Variants in STK17A observed in about 807,000 individuals in gnomAD.
STK17A encodes the protein serine/threonine kinase 17a.
A neutral mutation model predicts 43.7 loss-of-function variants in STK17A; 26 were observed. The ratio of observed to expected loss-of-function variants is 0.60; its 90% CI spans 0.44 to 0.83. The LOEUF is 0.83. Ranked by LOEUF, STK17A falls within the 40% of genes least tolerant of loss-of-function variation. STK17A has a pLI of 0.00. For missense variants in STK17A, 476 were observed against 511.6 expected (o/e 0.93, Z 0.67); for synonymous variants, 191 against 182.5 (o/e 1.05, Z -0.38).
intron 6 of STK17A, 110 bp downstream of exon 6, chr7:43,623,998 A>G (rs986472703): frequency 1.4e-6 from 1 of 712,770 alleles, no homozygotes; most frequent in East Asian, 3.2e-5. Flanking sequence ...AAATAGTTCA[A>G]CTTCTAAAAC....
At chr7:43,607,341 G>A (rs2082608774) in intron 2 of STK17A, among the ~76,000 whole-genome samples, 1 of 151,722 alleles carries the variant, frequency 6.6e-6, no homozygotes, top group Non-Finnish European at 1.5e-5. Flanking sequence ...ACACCAAGAA[G>A]AAACCATTTG....
chr7:43,583,554 C>T (rs886327795), intron 1 of STK17A, 105 bp downstream of exon 1: 4 of 1,004,642 alleles, frequency 4.0e-6, no homozygotes, highest in Non-Finnish European at 5.1e-6. Flanking sequence ...AGTGGCGTTG[C>T]TGCTGCCGAT....
At chr7:43,607,544 G>A (rs1007369014) in intron 2 of STK17A, among the ~76,000 whole-genome samples, 1 of 150,574 alleles carries the variant, frequency 6.6e-6, no homozygotes, top group African/African-American at 2.5e-5. Context: ...AGCTACTCGG[G>A]AGGCTGAGGC....
At chr7:43,614,610 T>A (rs10259269) in intron 3 of STK17A, among the ~76,000 whole-genome samples, 26,031 of 152,242 alleles carry the variant, frequency 0.17, 2,496 homozygotes, top group Non-Finnish European at 0.21. Flanking sequence ...TGGTCAAAAT[T>A]GGGCACAGTT....
At chr7:43,614,102 A>AT (rs2083123331) in intron 3 of STK17A, among the ~76,000 whole-genome samples, 1 of 152,208 alleles carries the variant, frequency 6.6e-6, no homozygotes, top group African/African-American at 2.4e-5. Context: ...AACCCTGCCC[A>AT]TGACACCCTA....
At chr7:43,606,837 C>G (rs1300952932) in intron 2 of STK17A, among the ~76,000 whole-genome samples, 1 of 150,812 alleles carries the variant, frequency 6.6e-6, no homozygotes, top group African/African-American at 2.4e-5. Flanking sequence ...ATATGTTGTA[C>G]CGAGAGAAAT....
chr7:43,601,425 G>C (rs2082554111), intron 2 of STK17A, among the ~76,000 whole-genome samples: 2 of 152,170 alleles, frequency 1.3e-5, no homozygotes, highest in Admixed American at 6.5e-5. Flanking sequence ...TCTCATATGG[G>C]AGCCCGCTGC....
At chr7:43,623,914 T>A in intron 6 of STK17A, 26 bp downstream of exon 6, 2 of 1,390,032 alleles carry the variant, frequency 1.4e-6, no homozygotes, top group Non-Finnish European at 1.9e-6. Flanking sequence ...ATTAGTTTAA[T>A]ATTGAACTAA....
chr7:43,614,535 A>G (rs2083174727), intron 3 of STK17A, among the ~76,000 whole-genome samples: 1 of 152,234 alleles, frequency 6.6e-6, no homozygotes, highest in Non-Finnish European at 1.5e-5. Context: ...AACAGAGCTT[A>G]TAGTCCTGTA....
At position 43,595,902 on chromosome 7, in the gene STK17A, G is replaced by C; in HGVS notation, c.208G>C (p.Gly70Arg). The C allele has an allele frequency of 6.2e-7, 1 of 1,612,262 alleles. No individual in the cohort carries two copies. The highest frequency in any genetic ancestry group is 1.1e-5 in the South Asian group (1 of 90,722). ...SLCPGRELGRGKFAVVRKCIK... is the reference protein window; with the variant it reads ...SLCPGRELGRRKFAVVRKCIK... ...GTGAATGTTTTTGTTTAATTCTAGG[G>C]GGAAATTTGCAGTGGTGAGAAAATG... Residue 70 changes from glycine (G) to arginine (R), a missense_variant and splice_region_variant, in exon 2 of 7, where the codon GGG becomes CGG. By Grantham distance (125) the Gly-to-Arg change is moderately radical. Transcript: ENST00000319357.
Position 43,606,916 on chromosome 7 carries a change from C to CTTTTTTTTTTTTTT in STK17A, c.420-1329_420-1316dup, listed in dbSNP as rs71011933. Reference sequence around the variant, plus strand: ...TCACTCAATCTAGCTTTTCGATTTTCTTTTTTTTTTTTTTTTTTTTTTTTG... The same window carrying CTTTTTTTTTTTTTT: ...TCACTCAATCTAGCTTTTCGATTTTCTTTTTTTTTTTTTTTTTTTTTTTTTTTTTTTTTTTTTTG... On this transcript the variant is annotated intron_variant, in intron 2 of 6. Transcript: ENST00000319357. Among the ~76,000 whole-genome samples the CTTTTTTTTTTTTTT allele has an allele frequency of 3.5e-4, 22 of 62,634 alleles. 2 individuals carry two copies. Among genetic ancestry groups the CTTTTTTTTTTTTTT allele is most frequent in the Non-Finnish European group, 4.0e-4 (15 of 37,510 alleles). 41.1% of individuals were successfully genotyped at this position (62,634 alleles called of 152,430 possible).
chr7:43,624,896 T>C lies in STK17A; in HGVS notation c.*54T>C. ...TTCTACATTGAAAATGTTAATATTA[T>C]TTATGGACCTCTGGCCAAATGGTAC... On this transcript the variant is annotated 3_prime_UTR_variant, in exon 7 of 7. Coordinates refer to ENST00000319357, the MANE Select transcript of STK17A (RefSeq NM_004760.3). 4 of 1,456,030 alleles carry C rather than the reference T, an allele frequency of 2.7e-6. No individual in the cohort carries two copies. The highest frequency in any genetic ancestry group is 4.6e-4 in the Middle Eastern group (2 of 4,386). The allele number at this position is 1,456,030 out of a possible 1,614,324, so 90.2% of individuals were successfully genotyped here.
Position 43,587,144 on chromosome 7 carries a change from ATTGTTTT to A in STK17A, c.206+3705_206+3711del, listed in dbSNP as rs1261146833. 2.6e-5 allele frequency among the ~76,000 whole-genome samples: 3 copies of A among 116,724 alleles called. 1 individual carries two copies. Among genetic ancestry groups the A allele is most frequent in the Non-Finnish European group, 5.6e-5 (3 of 53,858 alleles). The allele number at this position is 116,724 out of a possible 152,430, so 76.6% of individuals were successfully genotyped here. On this transcript the variant is annotated intron_variant, in intron 1 of 6. Transcript: ENST00000319357. ...CATTTTAATGAAATGATATGTTTTT[ATTGTTTT>A]TTGTTTTTTTTTTTTTTTTTTGAGA...
chr7:43,591,956 T>C (rs1481831543), intron 1 of STK17A, among the ~76,000 whole-genome samples: 1 of 151,582 alleles, frequency 6.6e-6, no homozygotes, highest in Non-Finnish European at 1.5e-5. Context: ...TTGCTTTGAA[T>C]GTCAGGTGTG....
Position 43,583,289 on chromosome 7 carries a change from G to A in STK17A, c.46G>A (p.Ala16Thr), listed in dbSNP as rs1299637684. 1.9e-6 allele frequency: 3 copies of A among 1,540,894 alleles called. No homozygotes were observed. The highest frequency in any genetic ancestry group is 2.9e-5 in the African/African-American group (2 of 69,806). Residue 16 changes from alanine (A) to threonine (T), a missense_variant, in exon 1 of 7, where the codon GCC becomes ACC. This residue lies in a region of STK17A where 320 missense variants were observed against 326.3 expected (regional missense o/e 0.98). Coordinates refer to ENST00000319357, the MANE Select transcript of STK17A (RefSeq NM_004760.3). ...AGGCAGCGGCGGCTCCTCCCCAGGCGCCACCTCAGGCTCGGGCCGGGCAGG... is the reference window on the plus strand; with the variant it reads ...AGGCAGCGGCGGCTCCTCCCCAGGCACCACCTCAGGCTCGGGCCGGGCAGG... The part of the protein sequence containing the change: ...KPGSGGSSPG[A>T]TSGSGRAGRG...
intron 3 of STK17A, among the ~76,000 whole-genome samples, chr7:43,617,012 G>A (rs181825717): frequency 1.3e-5 from 2 of 152,330 alleles, no homozygotes; most frequent in East Asian, 3.9e-4. Flanking sequence ...ACCAAGTTGA[G>A]ACTAGGCAAA....
At chr7:43,594,392 G>A (rs1011208453) in intron 1 of STK17A, among the ~76,000 whole-genome samples, 4 of 152,116 alleles carry the variant, frequency 2.6e-5, no homozygotes, top group Non-Finnish European at 5.9e-5. Context: ...AGAGAGTGAG[G>A]TCTGGTCTGT....
intron 2 of STK17A, among the ~76,000 whole-genome samples, chr7:43,600,603 C>T (rs749624354): frequency 4.6e-5 from 7 of 152,106 alleles, no homozygotes; most frequent in African/African-American, 7.2e-5. Flanking sequence ...TGAATTTCCA[C>T]CTATCAAACT....
rs578244789 is a variant in STK17A at position 43,600,385 on chromosome 7, TATCTTTTGGGATTTTG to T, written c.419+4288_419+4303del. Reference sequence around the variant, plus strand: ...GGGATTTTAGACTTTAAGGATTTTTTATCTTTTGGGATTTTGATCTTTTGGGATTTTTACATTCTGG... The same window carrying T: ...GGGATTTTAGACTTTAAGGATTTTTTATCTTTTGGGATTTTTACATTCTGG... On this transcript the variant is annotated intron_variant, in intron 2 of 6. Transcript: ENST00000319357. 4.8e-3 allele frequency among the ~76,000 whole-genome samples: 734 copies of T among 152,290 alleles called. 2 individuals carry two copies. Among genetic ancestry groups the T allele is most frequent in the Admixed American group, 7.3e-3 (112 of 15,296 alleles).
Sources: gnomAD v4.1 joint callset for allele counts (sites outside exome capture counted in the v4.1 genomes callset) on GRCh38, gnomAD v4.1.1 for gene constraint, gnomAD v4.1.1 regional missense constraint, MANE v1.5 for transcripts, NCBI Gene and HGNC (gene_info 2026-07-23, HGNC 2026-07-21) for gene names.